Variants in SYNE1 observed in about 807,000 individuals in gnomAD.
The protein encoded by SYNE1 is nesprin-1.
A neutral mutation model predicts 1,111.0 loss-of-function variants in SYNE1; 616 were observed. The observed-to-expected ratio is 0.55, with a 90% CI of 0.52 to 0.59. The LOEUF (loss-of-function observed/expected upper bound fraction) is 0.59. Ranked by LOEUF, SYNE1 falls within the 20% of genes least tolerant of loss-of-function variation. SYNE1 has a pLI of 0.00. For synonymous variants in SYNE1, 3,855 were observed against 3,825.8 expected, an observed-to-expected ratio of 1.01 and a Z score of -0.28; for missense variants, 10,006 against 10,417.0, an observed-to-expected ratio of 0.96 and a Z score of 1.72.
Position 152,409,195 on chromosome 6 carries a change from T to C in SYNE1, c.6413A>G (p.Lys2138Arg). ...HETAKNKMNYKQKDLDNFTSK... is the reference protein window; with the variant it reads ...HETAKNKMNYRQKDLDNFTSK... ...GGTAAAGTTATCCAAGTCTTTCTGT[T>C]TGTAATTCATTTTGTTCTTGGCAGT... The change falls in exon 44 of 146, where the codon AAA becomes AGA. Residue 2138 changes from lysine to arginine, a missense_variant. Coordinates refer to ENST00000367255, the MANE Select transcript of SYNE1 (RefSeq NM_182961.4). The C allele has an allele frequency of 6.2e-7, 1 of 1,614,166 alleles. No individual in the cohort carries two copies.
intron 8 of SYNE1, among the ~76,000 whole-genome samples, chr6:152,507,091 A>T (rs1395037050): frequency 6.6e-6 from 1 of 152,198 alleles, no homozygotes; most frequent in East Asian, 1.9e-4. Context: ...TACAGATATA[A>T]TTTTTTTCAG....
At chr6:152,196,458 T>C (rs1418330123) in intron 127 of SYNE1, among the ~76,000 whole-genome samples, 5 of 152,170 alleles carry the variant, frequency 3.3e-5, no homozygotes, top group Admixed American at 1.3e-4. Context: ...GTTACACTGC[T>C]GACTATCCAG....
chr6:152,495,578 C>CACCTGCTCCACCCTGACTCATTCCGATT (rs1354928576), intron 11 of SYNE1, among the ~76,000 whole-genome samples: 3 of 152,028 alleles, frequency 2.0e-5, no homozygotes, highest in Admixed American at 6.6e-5. Context: ...TCATTTCAAT[C>CACCTGCTCCACCCTGACTCATTCCGATT]ACCTGCTCCA....
intron 28 of SYNE1, among the ~76,000 whole-genome samples, chr6:152,448,577 C>T (rs1406948829): frequency 6.6e-6 from 1 of 152,166 alleles, no homozygotes; most frequent in Non-Finnish European, 1.5e-5. Context: ...GGCAATAGCT[C>T]ACACCTGTAA....
intron 14 of SYNE1, among the ~76,000 whole-genome samples, chr6:152,475,458 T>A (rs1325180875): frequency 6.6e-6 from 1 of 152,224 alleles, no homozygotes; most frequent in African/African-American, 2.4e-5. Context: ...ATATCTCATA[T>A]AAGAATATCA....
At position 152,409,137 on chromosome 6, in the gene SYNE1, C is replaced by G. The variant is rs2097960735; in HGVS notation, c.6471G>C (p.Lys2157Asn). 2 of 1,614,104 alleles carry G rather than the reference C, an allele frequency of 1.2e-6. No individual in the cohort carries two copies. The highest frequency in any genetic ancestry group is 4.5e-5 in the East Asian group (2 of 44,876). ...SKGKHLLSEL[K>N]KIHSSDFSLV... The stretch of plus-strand genomic sequence containing the variant: ...AGCTGAAATCACTACTGTGAATTTT[C>G]TTCAGCTCAGATAACAAGTGTTTTC... Residue 2157 changes from lysine to asparagine, a missense_variant, in exon 44 of 146, where the codon AAG becomes AAC. Lys to Asn is a moderately conservative substitution (Grantham distance 94). Coordinates refer to ENST00000367255, the MANE Select transcript of SYNE1 (RefSeq NM_182961.4).
chr6:152,266,138 C>A (rs1180026099), intron 100 of SYNE1, among the ~76,000 whole-genome samples: 2 of 151,856 alleles, frequency 1.3e-5, no homozygotes, highest in Admixed American at 1.3e-4. Flanking sequence ...TAAAGTGGAT[C>A]TTATATAGAA....
chr6:152,301,778 G>T (rs1386230518), intron 92 of SYNE1, 91 bp downstream of exon 92: 4 of 1,359,442 alleles, frequency 2.9e-6, no homozygotes, highest in African/African-American at 1.5e-5. Context: ...TCGAAGGCTG[G>T]TCCCTGAAAT....
chr6:152,174,728 G>T (rs928386433), intron 130 of SYNE1, among the ~76,000 whole-genome samples: 5 of 152,168 alleles, frequency 3.3e-5, no homozygotes, highest in Non-Finnish European at 7.3e-5. Context: ...CGTGATGATG[G>T]ACAAGCCTCA....
chr6:152,612,044 G>C (rs959851140), intron 3 of SYNE1, among the ~76,000 whole-genome samples: 4 of 151,392 alleles, frequency 2.6e-5, no homozygotes, highest in Admixed American at 2.6e-4. Flanking sequence ...AGAGAAAGCA[G>C]GAAAGATCTA....
intron 115 of SYNE1, 68 bp from the exon 116 acceptor site, chr6:152,225,944 G>A: frequency 6.6e-7 from 1 of 1,511,894 alleles, no homozygotes; most frequent in Non-Finnish European, 9.0e-7. Context: ...ACTGAAATTG[G>A]GCCATTATAG....
At chr6:152,399,552 C>A in intron 48 of SYNE1, 64 bp downstream of exon 48, 1 of 1,584,218 alleles carries the variant, frequency 6.3e-7, no homozygotes, top group Non-Finnish European at 8.7e-7. Flanking sequence ...AGTTTCTAGG[C>A]AGCATTTGGT....
intron 91 of SYNE1, among the ~76,000 whole-genome samples, chr6:152,303,940 T>G (rs1166985312): frequency 6.6e-6 from 1 of 152,178 alleles, no homozygotes; most frequent in Non-Finnish European, 1.5e-5. Context: ...TTGTTATTAT[T>G]GTTGTTTTGT....
At chr6:152,343,000 T>C (rs1481892920) in intron 74 of SYNE1, among the ~76,000 whole-genome samples, 2 of 152,176 alleles carry the variant, frequency 1.3e-5, no homozygotes, top group Non-Finnish European at 2.9e-5. Flanking sequence ...TTATAACTTT[T>C]AGAAGTAAGT....
chr6:152,308,646 A>G lies in SYNE1; in HGVS notation c.17203-14T>C, dbSNP rs773784083. On this transcript the variant is annotated splice_polypyrimidine_tract_variant and intron_variant, in intron 90 of 145. Coordinates refer to ENST00000367255, the MANE Select transcript of SYNE1 (RefSeq NM_182961.4). ...TACCACAGCTTCCTTTGAAAAAAAA[A>G]AAAAACAGAAAGATAGACAGTTTTT... 1.3e-6 allele frequency: 2 copies of G among 1,588,508 alleles called. No individual in the cohort carries two copies. The highest frequency in any genetic ancestry group is 1.4e-5 in the African/African-American group (1 of 73,144).
Position 152,201,867 on chromosome 6 carries a change from G to T in SYNE1, c.23102C>A (p.Pro7701Gln), listed in dbSNP as rs780201995. ...TGCATGGAGCTCTTCATGGTGATCC[G>T]GGAGAGACTGCGAAAGCTTCTTTTT... is the stretch of plus-strand genomic sequence containing the variant. ...TFKKKLSQSLPDHHEELHAEQ... is the reference protein window; with the variant it reads ...TFKKKLSQSLQDHHEELHAEQ... Residue 7701 changes from proline (P) to glutamine (Q), a missense_variant, in exon 127 of 146, where the codon CCG becomes CAG. Coordinates refer to ENST00000367255, the MANE Select transcript of SYNE1 (RefSeq NM_182961.4). 6.2e-7 allele frequency: 1 copy of T among 1,613,886 alleles called. No individual in the cohort carries two copies. Among genetic ancestry groups the T allele is most frequent in the East Asian group, 2.2e-5 (1 of 44,884 alleles).
intron 81 of SYNE1, 81 bp from the exon 82 acceptor site, chr6:152,323,818 C>G (rs2095960809): frequency 1.3e-6 from 2 of 1,494,882 alleles, no homozygotes; most frequent in African/African-American, 1.4e-5. Flanking sequence ...AAGCCACACA[C>G]TAGTGTATGA....
intron 124 of SYNE1, among the ~76,000 whole-genome samples, chr6:152,209,472 G>A (rs74438331): frequency 0.045 from 6,881 of 152,116 alleles, 227 homozygotes; most frequent in East Asian, 0.14. Flanking sequence ...ATAATGGGCC[G>A]GGCCCGGTGA....
At chr6:152,277,794 T>C (rs1282120725) in intron 98 of SYNE1, 1 of 468,006 alleles carries the variant, frequency 2.1e-6, no homozygotes, top group African/African-American at 2.0e-5. Context: ...GGAGTAGCCT[T>C]TACTTTCCCT....
Sources: allele counts gnomAD v4.1 joint callset (sites outside exome capture counted in the v4.1 genomes callset), GRCh38; gene constraint gnomAD v4.1.1; transcripts MANE v1.5; gene names NCBI Gene and HGNC (gene_info 2026-07-23, HGNC 2026-07-21).